ADAM10: variants seen among roughly 807,000 people sequenced by gnomAD.
The protein encoded by ADAM10 is disintegrin and metalloproteinase domain-containing protein 10.
Under a neutral mutation model 90.1 loss-of-function variants are expected in ADAM10, and 17 were observed. That is an observed-to-expected ratio of 0.19 (90% CI 0.13 to 0.28). The LOEUF is 0.28. Among genes scored for constraint, ADAM10 ranks in the 10% least tolerant of loss-of-function variants. ADAM10 has a pLI of 1.00. For missense variants in ADAM10, 610 were observed against 914.3 expected, an observed-to-expected ratio of 0.67 and a Z score of 4.29; for synonymous variants, 310 against 298.6, an observed-to-expected ratio of 1.04 and a Z score of -0.40.
At chr15:58,712,337 T>C (rs372130438) in intron 2 of ADAM10, among the ~76,000 whole-genome samples, 60 of 149,620 alleles carry the variant, frequency 4.0e-4, no homozygotes, top group Non-Finnish European at 6.5e-4. Context: ...CTGGGCAACA[T>C]GGCAAAACCC....
intron 5 of ADAM10, among the ~76,000 whole-genome samples, chr15:58,651,385 C>A (rs941573084): frequency 1.3e-5 from 2 of 152,082 alleles, no homozygotes; most frequent in Non-Finnish European, 2.9e-5. Context: ...CGTTAACCAT[C>A]CCCACTTCCC....
intron 4 of ADAM10, among the ~76,000 whole-genome samples, chr15:58,671,972 T>C (rs780951367): frequency 9.8e-4 from 150 of 152,286 alleles, no homozygotes; most frequent in Non-Finnish European, 1.7e-3. Flanking sequence ...TTTATAACTC[T>C]AGACTTCAGT....
intron 5 of ADAM10, among the ~76,000 whole-genome samples, chr15:58,651,034 A>C (rs1202722781): frequency 6.6e-6 from 1 of 152,022 alleles, no homozygotes; most frequent in Non-Finnish European, 1.5e-5. Flanking sequence ...CAAAATCCAA[A>C]ATATTTTATA....
At chr15:58,692,515 T>A (rs754050938) in intron 2 of ADAM10, 18 of 518,876 alleles carry the variant, frequency 3.5e-5, no homozygotes, top group Non-Finnish European at 6.3e-5. Context: ...TTTCTCTTCC[T>A]CATCATCACT....
chr15:58,633,074 T>C, intron 9 of ADAM10, 122 bp downstream of exon 9: 1 of 937,430 alleles, frequency 1.1e-6, no homozygotes, highest in Non-Finnish European at 1.6e-6. Flanking sequence ...ATTACTGTGC[T>C]CTGACATAAA....
chr15:58,681,384 A>T (rs1256250443), intron 3 of ADAM10, among the ~76,000 whole-genome samples: 1 of 152,226 alleles, frequency 6.6e-6, no homozygotes, highest in African/African-American at 2.4e-5. Flanking sequence ...GAAATGCCTC[A>T]TTTATCTGGC....
At chr15:58,612,137 G>A in intron 11 of ADAM10, 146 bp from the exon 12 acceptor site, 1 of 847,772 alleles carries the variant, frequency 1.2e-6, no homozygotes, top group South Asian at 1.6e-5. Context: ...GTATGTTACT[G>A]GTATACAACT....
chr15:58,727,764 A>G lies in ADAM10; in HGVS notation c.56-10037T>C, dbSNP rs148664701. 9.5e-3 allele frequency among the ~76,000 whole-genome samples: 1,445 copies of G among 152,362 alleles called. 21 individuals carry two copies. Among genetic ancestry groups the G allele is most frequent in the African/African-American group, 0.033 (1,368 of 41,588 alleles). On this transcript the variant is annotated intron_variant, in intron 1 of 15. Transcript: ENST00000260408. ...CAAAGAAAGCTGGAGTGGCTACAGT[A>G]ATAGCTGAAAAAACAAACTTCAAAA...
intron 14 of ADAM10, among the ~76,000 whole-genome samples, chr15:58,604,700 A>T (rs1895218645): frequency 6.6e-6 from 1 of 152,170 alleles, no homozygotes; most frequent in South Asian, 2.1e-4. Context: ...AGGACAGTAA[A>T]ACTGGTTTGG....
At chr15:58,723,404 G>A (rs773564081) in intron 1 of ADAM10, among the ~76,000 whole-genome samples, 1 of 152,142 alleles carries the variant, frequency 6.6e-6, no homozygotes, top group African/African-American at 2.4e-5. Context: ...GAAATCACAA[G>A]CCGGGTGTGG....
intron 4 of ADAM10, among the ~76,000 whole-genome samples, chr15:58,675,758 G>A (rs1215214553): frequency 6.6e-6 from 1 of 152,198 alleles, no homozygotes; most frequent in East Asian, 1.9e-4. Flanking sequence ...AGGTTCTGGA[G>A]AATAGCAGTA....
intron 4 of ADAM10, chr15:58,676,262 T>C: frequency 4.4e-6 from 2 of 455,712 alleles, no homozygotes; most frequent in Non-Finnish European, 8.8e-6. Flanking sequence ...TCAAGTGACA[T>C]AAGTTTTCTA....
chr15:58,645,114 A>C (rs746040250), intron 6 of ADAM10, among the ~76,000 whole-genome samples: 1 of 152,232 alleles, frequency 6.6e-6, no homozygotes, highest in Admixed American at 6.5e-5. Context: ...GTAAAAACAT[A>C]AACATAAAAC....
intron 2 of ADAM10, chr15:58,693,077 G>C: frequency 1.3e-6 from 1 of 747,262 alleles, no homozygotes. Flanking sequence ...ATCAACTCCT[G>C]AAGGAAAATC....
chr15:58,631,603 T>C (rs1236154139), intron 9 of ADAM10, among the ~76,000 whole-genome samples: 17 of 152,150 alleles, frequency 1.1e-4, no homozygotes, highest in African/African-American at 2.9e-4. Context: ...ATCTGTGTTT[T>C]AAGATTCTCA....
rs1406485088 is a variant in ADAM10, at chr15:58,589,369, C to T, written c.*8178G>A. On this transcript the variant is annotated 3_prime_UTR_variant, in exon 16 of 16. Transcript: ENST00000260408. ...TTGGACTAGTTAGAGCAAACTTTTA[C>T]CGAAACTCCAAAACTCAGGTCCAGC... The T allele has an allele frequency of 3.3e-5, 5 of 152,226 alleles. No individual in the cohort carries two copies. 9.4% of individuals were successfully genotyped at this position (152,226 alleles called of 1,614,324 possible).
intron 2 of ADAM10, among the ~76,000 whole-genome samples, chr15:58,696,977 A>G (rs768082096): frequency 1.4e-4 from 21 of 152,036 alleles, no homozygotes; most frequent in Admixed American, 2.6e-4. Flanking sequence ...GTCCACTTAC[A>G]TCCCCACCTA....
Position 58,591,312 on chromosome 15 carries a change from T to C in ADAM10, c.*6235A>G, listed in dbSNP as rs1473059148. 6.6e-6 allele frequency: 1 copy of C among 152,242 alleles called. No individual in the cohort carries two copies. Among genetic ancestry groups the C allele is most frequent in the Non-Finnish European group, 1.5e-5 (1 of 68,050 alleles). 9.4% of individuals were successfully genotyped at this position (152,242 alleles called of 1,614,324 possible). A position where few individuals can be genotyped will look rare whatever the true frequency, so the allele number is the denominator to read the frequency against. ...GTTAGCTTGACTGGTTCAAGTTTAA[T>C]TCCACTAAAACAATCATTATGAAAA... is the stretch of plus-strand genomic sequence containing the variant. On this transcript the variant is annotated 3_prime_UTR_variant, in exon 16 of 16. Coordinates refer to ENST00000260408, the MANE Select transcript of ADAM10 (RefSeq NM_001110.4).
chr15:58,694,962 T>C (rs1424723887), intron 2 of ADAM10, among the ~76,000 whole-genome samples: 1 of 152,210 alleles, frequency 6.6e-6, no homozygotes, highest in Non-Finnish European at 1.5e-5. Context: ...TTGATTTCAA[T>C]GGCAGTTGCC....
Sources: gnomAD v4.1 joint callset for allele counts (sites outside exome capture counted in the v4.1 genomes callset) on GRCh38, gnomAD v4.1.1 for gene constraint, MANE v1.5 for transcripts, NCBI Gene and HGNC (gene_info 2026-07-23, HGNC 2026-07-21) for gene names.